The following ARHGAP35 variants were observed in gnomAD, a reference collection of about 807,000 sequenced individuals.
ARHGAP35 encodes the protein Rho GTPase activating protein 35.
ARHGAP35 carries 15 observed loss-of-function variants against 111.1 expected under a neutral mutation model. The observed-to-expected ratio is 0.13, with a 90% confidence interval of 0.09 to 0.21. The LOEUF (loss-of-function observed/expected upper bound fraction) is 0.21. Among genes scored for constraint, ARHGAP35 ranks in the 10% least tolerant of loss-of-function variants. ARHGAP35 has a pLI of 1.00. For synonymous variants in ARHGAP35, 643 were observed against 710.3 expected (o/e 0.91, Z 1.51); for missense variants, 1,262 against 1,873.0 (o/e 0.67, Z 6.02).
At chr19:46,881,620 CA>C (rs2055962864) in intron 1 of ARHGAP35, among the ~76,000 whole-genome samples, 1 of 152,142 alleles carries the variant, frequency 6.6e-6, no homozygotes, top group Non-Finnish European at 1.5e-5. Context: ...AGCTTTGTTC[CA>C]TTTATAGAGC....
At chr19:46,940,620 T>A (rs1458174384) in intron 3 of ARHGAP35, among the ~76,000 whole-genome samples, 3 of 150,130 alleles carry the variant, frequency 2.0e-5, no homozygotes, top group Non-Finnish European at 4.4e-5. Context: ...TTTTTTTTTT[T>A]AATTTTTTGT....
intron 1 of ARHGAP35, among the ~76,000 whole-genome samples, chr19:46,861,759 A>G (rs2055829604): frequency 6.6e-6 from 1 of 151,518 alleles, no homozygotes; most frequent in African/African-American, 2.4e-5. Flanking sequence ...CTTCTGTGCT[A>G]TTATTCCTGT....
At chr19:46,975,965 A>G (rs2056577474) in intron 3 of ARHGAP35, among the ~76,000 whole-genome samples, 2 of 152,250 alleles carry the variant, frequency 1.3e-5, no homozygotes, top group South Asian at 2.1e-4. Context: ...ACTCCCATCT[A>G]TCACTGTAAC....
intron 1 of ARHGAP35, among the ~76,000 whole-genome samples, chr19:46,872,797 C>T (rs1165264229): frequency 2.6e-5 from 4 of 151,126 alleles, no homozygotes; most frequent in African/African-American, 9.7e-5. Flanking sequence ...AGGAGAATGG[C>T]GTGAACCCGG....
chr19:46,975,931 A>G (rs1290412685), intron 3 of ARHGAP35, among the ~76,000 whole-genome samples: 1 of 152,182 alleles, frequency 6.6e-6, no homozygotes, highest in Non-Finnish European at 1.5e-5. Context: ...TCTTTCAGAG[A>G]AGGCAGCTAA....
At chr19:46,949,713 A>G (rs2122244200) in intron 3 of ARHGAP35, among the ~76,000 whole-genome samples, 1 of 152,256 alleles carries the variant, frequency 6.6e-6, no homozygotes, top group Admixed American at 6.5e-5. Flanking sequence ...TCTAAGCCTC[A>G]TTTTTCTGTT....
rs1184767328 is a variant in ARHGAP35, at chr19:46,901,512, C to T, written c.-188-16976C>T. On this transcript the variant is annotated intron_variant, in intron 1 of 6. Transcript: ENST00000672722. This position sits in a 1 kb window ranked among gnomAD's most constrained non-coding sequence, Gnocchi z 4.5. ...GGCAGAGGTTGCAGTGAGCCGAGAT[C>T]GCGCCACTGCACTCCAGCCTGGGTG... Among the ~76,000 whole-genome samples the T allele has an allele frequency of 6.6e-6, 1 of 152,108 alleles. No homozygotes were observed. Among genetic ancestry groups the T allele is most frequent in the African/African-American group, 2.4e-5 (1 of 41,414 alleles).
chr19:46,949,997 C>T (rs1015163493), intron 3 of ARHGAP35, among the ~76,000 whole-genome samples: 1 of 152,178 alleles, frequency 6.6e-6, no homozygotes, highest in Admixed American at 6.5e-5. Flanking sequence ...AAAGCACACC[C>T]ATCTGGGCAC....
rs1371565176 is a variant in ARHGAP35, at chr19:46,919,530, G to A, written c.855G>A (p.Val285=). The change falls in exon 2 of 7, where the codon GTG becomes GTA. Residue 285 remains valine (V), a synonymous_variant. Coordinates refer to ENST00000672722, the MANE Select transcript of ARHGAP35 (RefSeq NM_004491.5). This position sits in a 1 kb window ranked among gnomAD's most constrained non-coding sequence, Gnocchi z 6.2. ...DKYEWLVSRI[V]KNHNENWLSV... is the part of the protein sequence containing the mutation. ...ATGAGTGGCTGGTGAGTCGCATTGT[G>A]AAAAACCACAATGAGAACTGGCTGA... 6.2e-7 allele frequency: 1 copy of A among 1,613,922 alleles called. No individual in the cohort carries two copies. The highest frequency in any genetic ancestry group is 8.5e-7 in the Non-Finnish European group (1 of 1,179,876).
At chr19:46,955,783 AT>A (rs1238384360) in intron 3 of ARHGAP35, among the ~76,000 whole-genome samples, 1 of 152,220 alleles carries the variant, frequency 6.6e-6, no homozygotes. Flanking sequence ...TAAGAAAAAA[AT>A]GATTTCCTTT....
chr19:46,861,254 C>T (rs973527726), intron 1 of ARHGAP35, among the ~76,000 whole-genome samples, 45 bp downstream of exon 1: 1 of 151,240 alleles, frequency 6.6e-6, no homozygotes, highest in South Asian at 2.1e-4. Context: ...GGCCGGGCGC[C>T]GCCCCGCTGC....
chr19:46,919,515 G>T lies in ARHGAP35; in HGVS notation c.840G>T (p.Leu280=), dbSNP rs1248445988. ...CAGCAAAAGACAAGTATGAGTGGCT[G>T]GTGAGTCGCATTGTGAAAAACCACA... ...IATAKDKYEW[L]VSRIVKNHNE... The change falls in exon 2 of 7, where the codon CTG becomes CTT. Residue 280 remains leucine (L), a synonymous_variant. Coordinates refer to ENST00000672722, the MANE Select transcript of ARHGAP35 (RefSeq NM_004491.5). The surrounding 1 kb of genome is among the most constrained non-coding windows in gnomAD (Gnocchi z 6.2). 1 of 1,613,936 alleles carries T rather than the reference G, an allele frequency of 6.2e-7. No homozygotes were observed. The highest frequency in any genetic ancestry group is 8.5e-7 in the Non-Finnish European group (1 of 1,179,880).
At chr19:46,995,907 T>C (rs181221851) in intron 5 of ARHGAP35, among the ~76,000 whole-genome samples, 4 of 152,304 alleles carry the variant, frequency 2.6e-5, no homozygotes, top group Non-Finnish European at 5.9e-5. Context: ...TGGGCCAGAC[T>C]TGAGCAGAAG....
chr19:46,958,729 A>G (rs761090611), intron 3 of ARHGAP35, among the ~76,000 whole-genome samples: 2 of 152,196 alleles, frequency 1.3e-5, no homozygotes, highest in Non-Finnish European at 2.9e-5. Context: ...ACCAGTTCCC[A>G]CTGTTTGAAA....
intron 3 of ARHGAP35, among the ~76,000 whole-genome samples, chr19:46,967,922 G>A (rs888391213): frequency 2.6e-5 from 4 of 152,172 alleles, no homozygotes; most frequent in Non-Finnish European, 4.4e-5. Context: ...GACCTGCTCT[G>A]TGAGCCAGGG....
rs753918165 is a variant in ARHGAP35, at chr19:46,993,755, G to C, written c.4036+4080G>C. Among the ~76,000 whole-genome samples the C allele has an allele frequency of 1.1e-4, 17 of 152,134 alleles. No homozygotes were observed. The highest frequency in any genetic ancestry group is 2.4e-4 in the Non-Finnish European group (16 of 68,032). ...GTATGATGTCCCAGGAAGAGGTGCA[G>C]CTCCCAGCCCACGCCCCCTGAGCAA... On this transcript the variant is annotated intron_variant, in intron 5 of 6. Coordinates refer to ENST00000672722, the MANE Select transcript of ARHGAP35 (RefSeq NM_004491.5). The surrounding 1 kb of genome is among the most constrained non-coding windows in gnomAD (Gnocchi z 4.6).
intron 3 of ARHGAP35, among the ~76,000 whole-genome samples, chr19:46,954,235 A>G (rs1218900444): frequency 1.3e-5 from 2 of 152,148 alleles, no homozygotes; most frequent in Non-Finnish European, 2.9e-5. Flanking sequence ...GTATTTTGTT[A>G]TGGCAACCCA....
chr19:46,941,318 G>GT (rs1454041158), intron 3 of ARHGAP35, among the ~76,000 whole-genome samples: 1 of 152,038 alleles, frequency 6.6e-6, no homozygotes, highest in Non-Finnish European at 1.5e-5. Flanking sequence ...CTCCCTGGTA[G>GT]TTCTTCTCAG....
rs754262695 is a variant in ARHGAP35 at position 46,919,344 on chromosome 19, C to T, written c.669C>T (p.Leu223=). 3 of 1,613,994 alleles carry T rather than the reference C, an allele frequency of 1.9e-6. No individual in the cohort carries two copies. Among genetic ancestry groups the T allele is most frequent in the Non-Finnish European group, 2.5e-6 (3 of 1,179,884 alleles). Residue 223 remains leucine (L), a synonymous_variant, in exon 2 of 7, where the codon CTC becomes CTT. Coordinates refer to ENST00000672722, the MANE Select transcript of ARHGAP35 (RefSeq NM_004491.5). The surrounding 1 kb of genome is among the most constrained non-coding windows in gnomAD (Gnocchi z 6.2). The stretch of plus-strand genomic sequence containing the variant: ...CTTTTGCCTTAAGCAAAAAGAACCT[C>T]CAGGTTGTGGAGACCTCAGCGAGAT... The part of the protein sequence containing the change: ...AHTFALSKKN[L]QVVETSARSN...
Sources: gnomAD v4.1 joint callset for allele counts (sites outside exome capture counted in the v4.1 genomes callset) on GRCh38, gnomAD v4.1.1 for gene constraint, Gnocchi (gnomAD v3.1) non-coding constraint, MANE v1.5 for transcripts, NCBI Gene and HGNC (gene_info 2026-07-23, HGNC 2026-07-21) for gene names.